The following TLL1 variants were observed in gnomAD, a reference collection of about 807,000 sequenced individuals.
TLL1 encodes tolloid like 1.
In TLL1, 49 loss-of-function variants were observed where a neutral mutation model predicts 128.2. The observed-to-expected ratio is 0.38, with a 90% CI of 0.30 to 0.48. The LOEUF is 0.48. Ranked by LOEUF, TLL1 falls within the 20% of genes least tolerant of loss-of-function variation. The probability of loss-of-function intolerance (pLI) is 0.96; values close to 1 mark genes in which losing one functional copy is unlikely to be tolerated. For missense variants in TLL1, 1,123 were observed against 1,242.0 expected, an observed-to-expected ratio of 0.90 and a Z score of 1.44; for synonymous variants, 454 against 418.8, an observed-to-expected ratio of 1.08 and a Z score of -1.03.
chr4:166,028,128 G>A (rs1342303829), intron 9 of TLL1, among the ~76,000 whole-genome samples: 1 of 151,512 alleles, frequency 6.6e-6, no homozygotes, highest in Non-Finnish European at 1.5e-5. Flanking sequence ...TCTTGAGCTG[G>A]GAATTTAACT....
chr4:165,918,027 G>A (rs73860888), intron 1 of TLL1, among the ~76,000 whole-genome samples: 1 of 152,020 alleles, frequency 6.6e-6, no homozygotes, highest in African/African-American at 2.4e-5. Context: ...TTAGACAAAT[G>A]GAAATTTTAG....
intron 18 of TLL1, among the ~76,000 whole-genome samples, chr4:166,079,879 C>A (rs1449310172): frequency 6.6e-6 from 1 of 152,112 alleles, no homozygotes; most frequent in Non-Finnish European, 1.5e-5. Context: ...TTTCTATTGA[C>A]CTGTCTTCAA....
chr4:166,084,703 T>C (rs1741424769), intron 18 of TLL1, among the ~76,000 whole-genome samples: 1 of 152,172 alleles, frequency 6.6e-6, no homozygotes, highest in South Asian at 2.1e-4. Context: ...ATGTGTGGAT[T>C]TATTTCTGGA....
Position 165,921,835 on chromosome 4 carries a change from A to T in TLL1, c.169+47762A>T, listed in dbSNP as rs575397737. ...TGTCATACCACTTACAGTTTTTTTTAAAAAAAAGTTTAAACATTGCATCAC... is the reference window on the plus strand; with the variant it reads ...TGTCATACCACTTACAGTTTTTTTTTAAAAAAAGTTTAAACATTGCATCAC... On this transcript the variant is annotated intron_variant, in intron 1 of 20. Transcript: ENST00000061240. Among the ~76,000 whole-genome samples, 549 of 152,058 alleles carry T rather than the reference A, an allele frequency of 3.6e-3. 4 individuals carry two copies. The highest frequency in any genetic ancestry group is 0.027 in the South Asian group (131 of 4,812).
At chr4:165,892,806 C>G (rs569442733) in intron 1 of TLL1, among the ~76,000 whole-genome samples, 2 of 152,304 alleles carry the variant, frequency 1.3e-5, no homozygotes, top group Admixed American at 1.3e-4. Context: ...CCTTTAAACT[C>G]TTGCATTCCT....
At position 166,014,408 on chromosome 4, in the gene TLL1, GGT is replaced by G. The variant is rs756077970; in HGVS notation, c.918-24_918-23del. ...TCATGAGTTTTCATTTGGTGACTTA[GGT>G]GTGGTTTGCTTCTGCTTTTTTTCAG... On this transcript the variant is annotated intron_variant, in intron 7 of 20. Transcript: ENST00000061240. 88 of 1,611,138 alleles carry G rather than the reference GGT, an allele frequency of 5.5e-5. No individual in the cohort carries two copies. The Middle Eastern group carries it at 8.2e-4, about 15-fold the overall frequency.
At chr4:165,992,750 T>G in intron 2 of TLL1, 54 bp from the exon 3 acceptor site, 2 of 1,524,386 alleles carry the variant, frequency 1.3e-6, no homozygotes, top group South Asian at 2.2e-5. Flanking sequence ...TGTTTTTTAT[T>G]TGCAAGAACT....
chr4:166,051,187 CT>C (rs1739705184), intron 12 of TLL1, among the ~76,000 whole-genome samples: 1 of 152,112 alleles, frequency 6.6e-6, no homozygotes, highest in South Asian at 2.1e-4. Context: ...TCCCAGTTAT[CT>C]GAACTGTATC....
chr4:166,096,347 G>A (rs1454057087), intron 19 of TLL1, among the ~76,000 whole-genome samples: 1 of 148,800 alleles, frequency 6.7e-6, no homozygotes, highest in Non-Finnish European at 1.5e-5. Flanking sequence ...AAAACCGGGG[G>A]CGGGGGGAAC....
chr4:165,901,469 G>C (rs1731984787), intron 1 of TLL1, among the ~76,000 whole-genome samples: 1 of 152,156 alleles, frequency 6.6e-6, no homozygotes, highest in South Asian at 2.1e-4. Flanking sequence ...AATCCTTTCT[G>C]TTTGTTAGTT....
intron 1 of TLL1, among the ~76,000 whole-genome samples, chr4:165,886,439 T>G (rs1297420435): frequency 3.3e-5 from 5 of 152,134 alleles, no homozygotes; most frequent in African/African-American, 9.7e-5. Flanking sequence ...GGTACACAAA[T>G]AAGATGTGTT....
chr4:165,946,619 C>T (rs112549256), intron 1 of TLL1, among the ~76,000 whole-genome samples: 4 of 150,886 alleles, frequency 2.7e-5, no homozygotes, highest in African/African-American at 7.3e-5. Context: ...GAATTATAGG[C>T]GTGAGCCATG....
intron 1 of TLL1, among the ~76,000 whole-genome samples, chr4:165,975,315 A>G (rs1735824801): frequency 6.6e-6 from 1 of 152,102 alleles, no homozygotes; most frequent in African/African-American, 2.4e-5. Flanking sequence ...CTCTAGTAGT[A>G]GTACCCCTTC....
At chr4:165,887,141 G>A (rs534927680) in intron 1 of TLL1, among the ~76,000 whole-genome samples, 1 of 152,296 alleles carries the variant, frequency 6.6e-6, no homozygotes, top group Middle Eastern at 3.4e-3. Context: ...GATCCTGTTG[G>A]CAATGAGAAG....
chr4:165,907,939 T>C (rs186235517), intron 1 of TLL1, among the ~76,000 whole-genome samples: 9 of 152,336 alleles, frequency 5.9e-5, no homozygotes, highest in African/African-American at 2.2e-4. Flanking sequence ...ATTACAAATG[T>C]TTCCAACAAA....
intron 1 of TLL1, among the ~76,000 whole-genome samples, chr4:165,987,107 T>G (rs1002343366): frequency 6.6e-6 from 1 of 152,072 alleles, no homozygotes; most frequent in Non-Finnish European, 1.5e-5. Flanking sequence ...TCTATGATTC[T>G]TATGCAAATT....
At chr4:165,874,778 C>A (rs1339222775) in intron 1 of TLL1, among the ~76,000 whole-genome samples, 2 of 152,280 alleles carry the variant, frequency 1.3e-5, no homozygotes, top group Non-Finnish European at 2.9e-5. Flanking sequence ...GCCTGAAGCT[C>A]AGCTTCTTGC....
intron 9 of TLL1, chr4:166,031,096 C>T (rs912573671): frequency 5.1e-6 from 4 of 791,182 alleles, no homozygotes; most frequent in African/African-American, 3.8e-5. Flanking sequence ...AATGAAGCTG[C>T]TTAAGATGAT....
In TLL1 at chr4:165,989,475, C is replaced by T; in HGVS notation, c.264C>T (p.Asn88=). 6.2e-7 allele frequency: 1 copy of T among 1,611,812 alleles called. No individual in the cohort carries two copies. The highest frequency in any genetic ancestry group is 8.5e-7 in the Non-Finnish European group (1 of 1,178,536). ...TIDLTQNPFG[N]LGHTTGGLGD... Reference sequence around the variant, plus strand: ...ACCTTACGCAGAACCCCTTTGGAAACCTTGGACATACCACAGGTATGGTTG... The same window carrying T: ...ACCTTACGCAGAACCCCTTTGGAAATCTTGGACATACCACAGGTATGGTTG... The change falls in exon 2 of 21, where the codon AAC becomes AAT. Residue 88 remains asparagine (N), a synonymous_variant. Transcript: ENST00000061240.
Sources: allele counts gnomAD v4.1 joint callset (sites outside exome capture counted in the v4.1 genomes callset), GRCh38; gene constraint gnomAD v4.1.1; transcripts MANE v1.5; gene names NCBI Gene and HGNC (gene_info 2026-07-23, HGNC 2026-07-21).